AFF1: variants seen among roughly 807,000 people sequenced by gnomAD.
AFF1 encodes the protein AF4/FMR2 family member 1.
AFF1 carries 48 observed loss-of-function variants against 121.7 expected under a neutral mutation model. The ratio of observed to expected loss-of-function variants is 0.39; its 90% confidence interval spans 0.31 to 0.50. The LOEUF (loss-of-function observed/expected upper bound fraction) is 0.50, where lower values mean the gene tolerates loss of function less well. Ranked by LOEUF, AFF1 falls within the 20% of genes least tolerant of loss-of-function variation. The pLI is 0.76. For synonymous variants in AFF1, 613 were observed against 563.0 expected (o/e 1.09, Z -1.26); for missense variants, 1,523 against 1,511.7 (o/e 1.01, Z -0.12).
intron 4 of AFF1, among the ~76,000 whole-genome samples, chr4:87,061,633 T>C (rs390604): frequency 0.83 from 126,069 of 152,008 alleles, 52,565 homozygotes; most frequent in African/African-American, 0.92. Flanking sequence ...AGCGCAATCC[T>C]GTTAGGCAGG....
chr4:86,977,202 T>C (rs1351411017), intron 2 of AFF1, among the ~76,000 whole-genome samples: 2 of 152,110 alleles, frequency 1.3e-5, no homozygotes, highest in Non-Finnish European at 2.9e-5. Context: ...CTATACACTA[T>C]ATAGTATGTA....
intron 11 of AFF1, among the ~76,000 whole-genome samples, chr4:87,112,222 T>C (rs975538908): frequency 6.6e-6 from 1 of 152,232 alleles, no homozygotes; most frequent in Non-Finnish European, 1.5e-5. Flanking sequence ...TATTGTGTGC[T>C]AATCTTTTCT....
At chr4:87,070,660 T>G (rs374969464) in intron 4 of AFF1, among the ~76,000 whole-genome samples, 1 of 152,228 alleles carries the variant, frequency 6.6e-6, no homozygotes, top group African/African-American at 2.4e-5. Context: ...TAAGTCAAAT[T>G]TAAAAGATGG....
At position 87,047,359 on chromosome 4, in the gene AFF1, AGCC is replaced by A; in HGVS notation, c.828_830del (p.Pro277del). Reference sequence around the variant, plus strand: ...CAAGACAGTTTGGTGGCCCCTGCCCAGCCGCCTTCTCAGACATTTCCACCTCCC... The same window carrying A: ...CAAGACAGTTTGGTGGCCCCTGCCCAGCCTTCTCAGACATTTCCACCTCCC... On this transcript the variant is annotated inframe_deletion, in exon 4 of 21. Coordinates refer to ENST00000395146, the MANE Select transcript of AFF1 (RefSeq NM_001166693.3). 1 of 1,614,150 alleles carries A rather than the reference AGCC, an allele frequency of 6.2e-7. No homozygotes were observed. Among genetic ancestry groups the A allele is most frequent in the South Asian group, 1.1e-5 (1 of 91,080 alleles).
chr4:87,136,573 T>C lies in AFF1; in HGVS notation c.*872T>C, dbSNP rs116386343. 2,491 of 231,378 alleles carry C rather than the reference T, an allele frequency of 0.011. 61 individuals are homozygous for C. The highest frequency in any genetic ancestry group is 0.05 in the African/African-American group (2,276 of 45,318). The allele number at this position is 231,378 out of a possible 1,614,324, so 14.3% of individuals were successfully genotyped here. A position where few individuals can be genotyped will look rare whatever the true frequency, so the allele number is the denominator to read the frequency against. On this transcript the variant is annotated 3_prime_UTR_variant, in exon 21 of 21. Coordinates refer to ENST00000395146, the MANE Select transcript of AFF1 (RefSeq NM_001166693.3). ...AGGGCAGTCACTGTTGACTCTATTC[T>C]GAATTTCCTCCCTTGGGGAAGAAGG...
chr4:87,003,616 A>G (rs1177040076), intron 2 of AFF1, among the ~76,000 whole-genome samples: 2 of 152,302 alleles, frequency 1.3e-5, no homozygotes, highest in South Asian at 2.1e-4. Flanking sequence ...TAATTTTAAT[A>G]TTATCAATGT....
chr4:87,091,097 T>C, intron 6 of AFF1, among the ~76,000 whole-genome samples: 1 of 150,886 alleles, frequency 6.6e-6, no homozygotes, highest in East Asian at 2.0e-4. Context: ...ACTTATTTTC[T>C]AATAATTTTT....
chr4:86,992,936 TGAGTAAGTTCTTA>T (rs1341798300), intron 2 of AFF1, among the ~76,000 whole-genome samples: 1 of 151,790 alleles, frequency 6.6e-6, no homozygotes, highest in African/African-American at 2.4e-5. Flanking sequence ...TTTCTTTGAG[TGAGTAAGTTCTTA>T]GAAGACAAAG....
intron 4 of AFF1, among the ~76,000 whole-genome samples, chr4:87,061,377 T>C (rs1399034011): frequency 1.3e-5 from 2 of 152,200 alleles, no homozygotes; most frequent in Non-Finnish European, 2.9e-5. Flanking sequence ...AACTGGGCCA[T>C]GTTTAGCACA....
intron 4 of AFF1, among the ~76,000 whole-genome samples, chr4:87,060,548 G>C (rs1443674527): frequency 2.0e-5 from 3 of 152,054 alleles, no homozygotes; most frequent in Admixed American, 6.5e-5. Context: ...AGTAACTTAA[G>C]AATTATTGGG....
intron 4 of AFF1, among the ~76,000 whole-genome samples, chr4:87,070,667 A>T (rs1007017742): frequency 6.6e-6 from 1 of 152,278 alleles, no homozygotes; most frequent in African/African-American, 2.4e-5. Flanking sequence ...AATTTAAAAG[A>T]TGGTGGGTGC....
At chr4:86,969,550 C>T (rs535441311) in intron 2 of AFF1, among the ~76,000 whole-genome samples, 1 of 141,856 alleles carries the variant, frequency 7.0e-6, no homozygotes, top group Non-Finnish European at 1.5e-5. Flanking sequence ...TTATGATGTA[C>T]CTACAAAATA....
intron 2 of AFF1, among the ~76,000 whole-genome samples, chr4:87,030,289 C>A (rs1464778498): frequency 6.6e-6 from 1 of 152,140 alleles, no homozygotes; most frequent in African/African-American, 2.4e-5. Flanking sequence ...TGTGGTGGGA[C>A]CAAAGCATCC....
At chr4:87,027,781 T>TG (rs1183223427) in intron 2 of AFF1, among the ~76,000 whole-genome samples, 52 of 145,410 alleles carry the variant, frequency 3.6e-4, no homozygotes, top group South Asian at 2.4e-3. Flanking sequence ...TTGTTGCTGT[T>TG]GGGTTTTTTT....
At chr4:86,976,852 G>A (rs1470018485) in intron 2 of AFF1, among the ~76,000 whole-genome samples, 3 of 152,200 alleles carry the variant, frequency 2.0e-5, no homozygotes, top group Admixed American at 6.5e-5. Flanking sequence ...GGCAAGGTTT[G>A]TAACTCTTTG....
At chr4:86,954,687 C>T (rs1228248577) in intron 2 of AFF1, among the ~76,000 whole-genome samples, 2 of 152,104 alleles carry the variant, frequency 1.3e-5, no homozygotes, top group Non-Finnish European at 2.9e-5. Flanking sequence ...CAAGATTGCA[C>T]CACTGCACTC....
In AFF1 at chr4:87,029,850, G is replaced by A. The variant is rs138657446; in HGVS notation, c.39-16316G>A. On this transcript the variant is annotated intron_variant, in intron 2 of 20. Coordinates refer to ENST00000395146, the MANE Select transcript of AFF1 (RefSeq NM_001166693.3). ...CTTGGAGGCATTGTGAAAAGGTCAA[G>A]CTTTGGAGATGGGGAAGAGTCCTGA... 2.0e-3 allele frequency among the ~76,000 whole-genome samples: 311 copies of A among 152,306 alleles called. 3 individuals are homozygous for A. The highest frequency in any genetic ancestry group is 7.1e-3 in the African/African-American group (296 of 41,564).
At chr4:86,938,399 G>A (rs1299935157) in intron 1 of AFF1, among the ~76,000 whole-genome samples, 3 of 147,828 alleles carry the variant, frequency 2.0e-5, no homozygotes, top group Admixed American at 6.8e-5. Context: ...GCAGTGAGCC[G>A]AGATTGCACT....
intron 2 of AFF1, among the ~76,000 whole-genome samples, chr4:86,993,148 A>C (rs899180254): frequency 6.6e-6 from 1 of 152,210 alleles, no homozygotes; most frequent in African/African-American, 2.4e-5. Context: ...CTCAGTCCTC[A>C]GATGGAAGGT....
Sources: allele counts gnomAD v4.1 joint callset (sites outside exome capture counted in the v4.1 genomes callset), GRCh38; gene constraint gnomAD v4.1.1; transcripts MANE v1.5; gene names NCBI Gene and HGNC (gene_info 2026-07-23, HGNC 2026-07-21).